BAZ1B: variants seen among roughly 807,000 people sequenced by gnomAD.
The protein encoded by BAZ1B is bromodomain adjacent to zinc finger domain 1B.
Under a neutral mutation model 153.8 loss-of-function variants are expected in BAZ1B, and 22 were observed. The ratio of observed to expected loss-of-function variants is 0.14; its 90% CI spans 0.10 to 0.20. The LOEUF (loss-of-function observed/expected upper bound fraction) is 0.20, where lower values mean the gene tolerates loss of function less well. Ranked by LOEUF, BAZ1B falls within the 10% of genes least tolerant of loss-of-function variation. The pLI is 1.00. For missense variants in BAZ1B, 1,325 were observed against 1,799.3 expected, an observed-to-expected ratio of 0.74 and a Z score of 4.77; for synonymous variants, 676 against 633.4, an observed-to-expected ratio of 1.07 and a Z score of -1.01.
chr7:73,497,513 T>C (rs13244268), intron 4 of BAZ1B, among the ~76,000 whole-genome samples: 14,062 of 152,230 alleles, frequency 0.092, 777 homozygotes, highest in Middle Eastern at 0.13. Context: ...TATTTTATGG[T>C]AGCAAATGAT....
At chr7:73,493,973 C>G (rs1414729604) in intron 4 of BAZ1B, among the ~76,000 whole-genome samples, 1 of 151,980 alleles carries the variant, frequency 6.6e-6, no homozygotes, top group African/African-American at 2.4e-5. Context: ...AAGCCAGGGC[C>G]ATATTAGAAA....
chr7:73,521,226 T>C (rs1450769064), intron 1 of BAZ1B, among the ~76,000 whole-genome samples: 2 of 152,006 alleles, frequency 1.3e-5, no homozygotes, highest in Admixed American at 6.6e-5. Flanking sequence ...CTCCCTTTCC[T>C]CTAAGCGGGG....
chr7:73,446,686 T>G (rs905538217), intron 16 of BAZ1B, among the ~76,000 whole-genome samples: 5 of 151,666 alleles, frequency 3.3e-5, no homozygotes, highest in African/African-American at 1.2e-4. Flanking sequence ...TGAGAGTCAA[T>G]GCGGTGAACA....
chr7:73,453,552 T>C (rs1275499435), intron 13 of BAZ1B, among the ~76,000 whole-genome samples: 1 of 152,226 alleles, frequency 6.6e-6, no homozygotes, highest in Non-Finnish European at 1.5e-5. Context: ...TGTATTGAAC[T>C]TGAGTTAAAA....
At chr7:73,507,892 TTA>T (rs1289481917) in intron 3 of BAZ1B, among the ~76,000 whole-genome samples, 1 of 152,024 alleles carries the variant, frequency 6.6e-6, no homozygotes, top group Non-Finnish European at 1.5e-5. Context: ...AAAATAAAAT[TTA>T]GTCCTTATAA....
At chr7:73,493,875 G>A (rs1375581397) in intron 4 of BAZ1B, among the ~76,000 whole-genome samples, 5 of 150,528 alleles carry the variant, frequency 3.3e-5, no homozygotes, top group South Asian at 4.2e-4. Context: ...GAGAGAATAC[G>A]ATATGACCTG....
chr7:73,442,608 C>A, intron 18 of BAZ1B, 55 bp from the exon 19 acceptor site: 3 of 1,561,344 alleles, frequency 1.9e-6, no homozygotes, highest in Non-Finnish European at 2.6e-6. Context: ...AGTGCCCCTG[C>A]CACTGAGACA....
At chr7:73,483,129 A>C (rs1789264663) in intron 6 of BAZ1B, among the ~76,000 whole-genome samples, 1 of 152,226 alleles carries the variant, frequency 6.6e-6, no homozygotes, top group Non-Finnish European at 1.5e-5. Context: ...AGAAAAAAAT[A>C]TTTATGACTG....
At chr7:73,510,631 T>C in intron 2 of BAZ1B, 105 bp downstream of exon 2, 1 of 1,097,620 alleles carries the variant, frequency 9.1e-7, no homozygotes. Context: ...TATAGTCTAA[T>C]TTGTGCCCCA....
At chr7:73,466,526 C>A in intron 9 of BAZ1B, 125 bp from the exon 10 acceptor site, 1 of 602,460 alleles carries the variant, frequency 1.7e-6, no homozygotes. Context: ...TGAAATATAT[C>A]AAATATATCT....
At chr7:73,513,329 G>C (rs1010137159) in intron 1 of BAZ1B, among the ~76,000 whole-genome samples, 3 of 152,142 alleles carry the variant, frequency 2.0e-5, no homozygotes, top group South Asian at 4.1e-4. Context: ...AAACCCACAG[G>C]TAATCCAAAA....
At position 73,492,990 on chromosome 7, in the gene BAZ1B, G is replaced by A. The variant is rs1789713930; in HGVS notation, c.572-69C>T. 9 of 1,481,924 alleles carry A rather than the reference G, an allele frequency of 6.1e-6. No individual in the cohort carries two copies. The South Asian group carries it at 1.1e-4, about 18-fold the overall frequency. The allele number at this position is 1,481,924 out of a possible 1,614,324, so 91.8% of individuals were successfully genotyped here. ...ATCCTTTTCATTCATTCATTAACAA[G>A]TCTTAACTGAACGTCTGCTCTTCAC... On this transcript the variant is annotated intron_variant, in intron 4 of 19. Coordinates refer to ENST00000339594, the MANE Select transcript of BAZ1B (RefSeq NM_032408.4).
chr7:73,489,991 G>A (rs1554575266), intron 5 of BAZ1B, among the ~76,000 whole-genome samples: 1 of 152,194 alleles, frequency 6.6e-6, no homozygotes, highest in Non-Finnish European at 1.5e-5. Flanking sequence ...GTGAGGAATG[G>A]GTTGAGAGTT....
intron 17 of BAZ1B, among the ~76,000 whole-genome samples, chr7:73,443,357 G>A (rs990981820): frequency 6.7e-6 from 1 of 149,056 alleles, no homozygotes; most frequent in Non-Finnish European, 1.5e-5. Context: ...GAAAAGGGGC[G>A]GGGCCTCCAT....
rs1563371422 is a variant in BAZ1B at position 73,462,903 on chromosome 7, G to A, written c.3249+19C>T. ...GAGTTGCCATGAGTAATCTAAGGGG[G>A]ATTTTCTTATATTCCTACCCGGGCT... On this transcript the variant is annotated intron_variant, in intron 12 of 19. Transcript: ENST00000339594. The A allele has an allele frequency of 6.2e-7, 1 of 1,612,496 alleles. No homozygotes were observed. The highest frequency in any genetic ancestry group is 8.5e-7 in the Non-Finnish European group (1 of 1,178,696).
Position 73,484,831 on chromosome 7 carries a change from A to C in BAZ1B, c.891+4363T>G, listed in dbSNP as rs569027649. ...CAAAATAACCGGGTTCTATTATTTC[A>C]AAACGTCAAGGTTTTGAAAGACAAA... On this transcript the variant is annotated intron_variant, in intron 6 of 19. Transcript: ENST00000339594. 2.0e-4 allele frequency among the ~76,000 whole-genome samples: 30 copies of C among 152,338 alleles called. 1 individual carries two copies. The highest frequency in any genetic ancestry group is 6.8e-3 in the Middle Eastern group (2 of 294).
In BAZ1B at chr7:73,502,367, T is replaced by A. The variant is rs79602565; in HGVS notation, c.370-3669A>T. On this transcript the variant is annotated intron_variant, in intron 3 of 19. Transcript: ENST00000339594. ...TGTCCATCATATCTACTTTTTTTTTTATCACACTTAGAGTGCAAAACATTT... is the reference window on the plus strand; with the variant it reads ...TGTCCATCATATCTACTTTTTTTTTAATCACACTTAGAGTGCAAAACATTT... 2.4e-3 allele frequency among the ~76,000 whole-genome samples: 362 copies of A among 151,824 alleles called. 1 individual carries two copies. The highest frequency in any genetic ancestry group is 4.8e-3 in the African/African-American group (200 of 41,448).
chr7:73,502,948 T>G (rs1168107526), intron 3 of BAZ1B, among the ~76,000 whole-genome samples: 1 of 152,200 alleles, frequency 6.6e-6, no homozygotes, highest in Non-Finnish European at 1.5e-5. Context: ...GCGACTTCTT[T>G]CAAGTTCACA....
intron 9 of BAZ1B, among the ~76,000 whole-genome samples, chr7:73,467,236 A>C (rs1788625371): frequency 6.6e-6 from 1 of 151,938 alleles, no homozygotes; most frequent in South Asian, 2.1e-4. Context: ...CCGGCCAGTC[A>C]CCACAATATT....
Sources: allele counts gnomAD v4.1 joint callset (sites outside exome capture counted in the v4.1 genomes callset), GRCh38; gene constraint gnomAD v4.1.1; transcripts MANE v1.5; gene names NCBI Gene and HGNC (gene_info 2026-07-23, HGNC 2026-07-21).